The following AKT1 variants were observed in gnomAD, a reference collection of about 807,000 sequenced individuals.
AKT1 encodes RAC-alpha serine/threonine-protein kinase.
Under a neutral mutation model 63.1 loss-of-function variants are expected in AKT1, and 21 were observed. The observed-to-expected ratio is 0.33, with a 90% CI of 0.24 to 0.48. The LOEUF (loss-of-function observed/expected upper bound fraction) is 0.48, where lower values mean the gene tolerates loss of function less well. AKT1 is among the 20% of genes least tolerant of loss of function. The pLI is 0.99. For missense variants in AKT1, 382 were observed against 666.0 expected (o/e 0.57, Z 4.69); for synonymous variants, 257 against 253.1 (o/e 1.02, Z -0.15).
At chr14:104,780,266 C>G (rs1223946647) in intron 3 of AKT1, 50 bp from the exon 4 acceptor site, 1 of 1,596,782 alleles carries the variant, frequency 6.3e-7, no homozygotes, top group East Asian at 2.3e-5. Context: ...CCGTCAGACC[C>G]TCGCCAGGCA....
chr14:104,770,447 G>T, intron 14 of AKT1, 27 bp from the exon 15 acceptor site: 1 of 1,547,060 alleles, frequency 6.5e-7, no homozygotes. Context: ...CTCAGACCCC[G>T]GTGCCCCACC....
chr14:104,787,739 C>A (rs1397018387), intron 3 of AKT1, among the ~76,000 whole-genome samples: 1 of 152,234 alleles, frequency 6.6e-6, no homozygotes, highest in Non-Finnish European at 1.5e-5. Flanking sequence ...GTCCAGCCCC[C>A]CACAGGGCAT....
Position 104,776,470 on chromosome 14 carries a change from C to G in AKT1, c.287+189G>C, listed in dbSNP as rs1015726256. 1.1e-5 allele frequency: 6 copies of G among 542,324 alleles called. No homozygotes were observed. The South Asian group carries it at 1.2e-4, about 11-fold the overall frequency. The allele number at this position is 542,324 out of a possible 1,614,324, so 33.6% of individuals were successfully genotyped here. On this transcript the variant is annotated intron_variant, in intron 5 of 14. Transcript: ENST00000649815. Reference sequence around the variant, plus strand: ...TCCCTAGCCAGTTTTTATCTCCAGCCTCAGTTTCCCCACCCAAACCCCACA... The same window carrying G: ...TCCCTAGCCAGTTTTTATCTCCAGCGTCAGTTTCCCCACCCAAACCCCACA...
rs1337696601 is a variant in AKT1 at position 104,772,182 on chromosome 14, CCA to C, written c.1260+181_1260+182del. The stretch of plus-strand genomic sequence containing the variant: ...AGTTTCCTGGTGGAACCCGGCAGTG[CCA>C]GAGCCTCTGAGCACCAGGCGCTGAG... On this transcript the variant is annotated intron_variant, in intron 13 of 14. Transcript: ENST00000649815. The C allele has an allele frequency of 7.6e-6, 5 of 658,314 alleles. No individual in the cohort carries two copies. The Admixed American group carries it at 1.2e-4, about 16-fold the overall frequency. The allele number at this position is 658,314 out of a possible 1,614,324, so 40.8% of individuals were successfully genotyped here.
rs1274070708 is a variant in AKT1 at position 104,795,047 on chromosome 14, G to A, written c.-258+437C>T. 6.6e-6 allele frequency: 1 copy of A among 152,226 alleles called. No individual in the cohort carries two copies. The highest frequency in any genetic ancestry group is 6.5e-5 in the Admixed American group (1 of 15,286). 9.4% of individuals were successfully genotyped at this position (152,226 alleles called of 1,614,324 possible). On this transcript the variant is annotated intron_variant, in intron 1 of 14. Transcript: ENST00000649815. The surrounding 1 kb of genome is among the most constrained non-coding windows in gnomAD (Gnocchi z 5.1). The stretch of plus-strand genomic sequence containing the variant: ...CGTGGGAAACGAAGTCTCCTTCCGG[G>A]GCCCTCCCACAAACTTGAAGGCCGG...
At position 104,770,072 on chromosome 14, in the gene AKT1, CG is replaced by C; in HGVS notation, c.*268del. 1 of 549,422 alleles carries C rather than the reference CG, an allele frequency of 1.8e-6. No individual in the cohort carries two copies. The highest frequency in any genetic ancestry group is 2.0e-5 in the South Asian group (1 of 49,562). The allele number at this position is 549,422 out of a possible 1,614,324, so 34.0% of individuals were successfully genotyped here. A position where few individuals can be genotyped will look rare whatever the true frequency, so the allele number is the denominator to read the frequency against. Reference sequence around the variant, plus strand: ...TGCAGAAGTCCTTAACATTTCCCTACGTGAATCGGATTGTTCTGAGGGCTGA... The same window carrying C: ...TGCAGAAGTCCTTAACATTTCCCTACTGAATCGGATTGTTCTGAGGGCTGA... On this transcript the variant is annotated 3_prime_UTR_variant, in exon 15 of 15. Coordinates refer to ENST00000649815, the MANE Select transcript of AKT1 (RefSeq NM_001382430.1).
rs2140887993 is a variant in AKT1, at chr14:104,770,360, G to A, written c.1424C>T (p.Ser475Leu). The stretch of plus-strand genomic sequence containing the variant: ...GCCGCCTCAGGCCGTGCCGCTGGCC[G>A]AGTAGGAGAACTGGGGGAAGTGGGG... ...RRPHFPQFSYSASGTA is the reference protein window; with the variant it reads ...RRPHFPQFSYLASGTA The change falls in exon 15 of 15, where the codon TCG becomes TTG. Residue 475 changes from serine (S) to leucine (L), a missense_variant. Around this residue, in one of 3 missense-constraint regions of AKT1, gnomAD observed 90 missense variants for 120.5 expected, o/e 0.75. Coordinates refer to ENST00000649815, the MANE Select transcript of AKT1 (RefSeq NM_001382430.1). 1.2e-6 allele frequency: 2 copies of A among 1,612,442 alleles called. No homozygotes were observed. The highest frequency in any genetic ancestry group is 1.7e-6 in the Non-Finnish European group (2 of 1,179,874).
intron 3 of AKT1, among the ~76,000 whole-genome samples, chr14:104,780,576 C>T (rs1222592975): frequency 6.6e-6 from 1 of 152,210 alleles, no homozygotes; most frequent in Non-Finnish European, 1.5e-5. Flanking sequence ...AGCCAGTCCC[C>T]AGCAGGCACC....
chr14:104,772,021 C>T, intron 13 of AKT1: 1 of 454,356 alleles, frequency 2.2e-6, no homozygotes, highest in Non-Finnish European at 4.0e-6. Flanking sequence ...TGGTCCACCA[C>T]CAGCCAGCCT....
rs1892478123 is a variant in AKT1 at position 104,772,962 on chromosome 14, A to G, written c.1088T>C (p.Met363Thr). The change falls in exon 12 of 15, where the codon ATG becomes ACG. Residue 363 changes from methionine to threonine, a missense_variant. By Grantham distance (81) the Met-to-Thr change is moderately conservative. Coordinates refer to ENST00000649815, the MANE Select transcript of AKT1 (RefSeq NM_001382430.1). ...CGTGCGCGGGAAGCGGATCTCCTCC[A>G]TGAGGATGAGCTCAAAAAGCTTCTC... ...DHEKLFELIL[M>T]EEIRFPRTLG... 6.2e-7 allele frequency: 1 copy of G among 1,614,006 alleles called. No homozygotes were observed. Among genetic ancestry groups the G allele is most frequent in the South Asian group, 1.1e-5 (1 of 91,086 alleles).
At chr14:104,789,540 G>A (rs1279810234) in intron 3 of AKT1, among the ~76,000 whole-genome samples, 2 of 152,272 alleles carry the variant, frequency 1.3e-5, no homozygotes, top group South Asian at 4.1e-4. Context: ...TGGAGGCCGA[G>A]TTCAGCCAGA....
At chr14:104,779,857 C>T (rs977756952) in intron 4 of AKT1, among the ~76,000 whole-genome samples, 2 of 151,426 alleles carry the variant, frequency 1.3e-5, no homozygotes, top group African/African-American at 4.9e-5. Flanking sequence ...GGCCTTAGGA[C>T]TCAGCCTGGA....
chr14:104,770,532 C>G, intron 14 of AKT1, 112 bp from the exon 15 acceptor site: 1 of 1,158,856 alleles, frequency 8.6e-7, no homozygotes, highest in Non-Finnish European at 1.2e-6. Context: ...CGCTGCCATA[C>G]TGCCAGGAAA....
intron 4 of AKT1, chr14:104,777,269 GCACACCTGGGGCACAGC>G (rs1424694922): frequency 0.029 from 3,530 of 120,260 alleles, 89 homozygotes; most frequent in Admixed American, 0.097. Flanking sequence ...TGGGGCACAG[GCACACCTGGGGCACAGC>G]CACACCTGGG....
At chr14:104,781,741 G>C (rs1416019984) in intron 3 of AKT1, among the ~76,000 whole-genome samples, 2 of 152,208 alleles carry the variant, frequency 1.3e-5, no homozygotes, top group Non-Finnish European at 2.9e-5. Flanking sequence ...CCACCCAGCA[G>C]GGCCTGAGTG....
rs1371607114 is a variant in AKT1, at chr14:104,775,206, G to A, written c.437C>T (p.Thr146Ile). The A allele has an allele frequency of 1.2e-6, 2 of 1,613,682 alleles. No individual in the cohort carries two copies. Among genetic ancestry groups the A allele is most frequent in the South Asian group, 1.1e-5 (1 of 91,092 alleles). The part of the protein sequence containing the change: ...VSLAKPKHRV[T>I]MNEFEYLKLL... The stretch of plus-strand genomic sequence containing the variant: ...CTTCAGGTACTCAAACTCGTTCATG[G>A]TCTATGGGCAGGCACCAGGGTCAGC... The change falls in exon 7 of 15, where the codon ACC becomes ATC. Residue 146 changes from threonine (T) to isoleucine (I), a missense_variant and splice_region_variant. Coordinates refer to ENST00000649815, the MANE Select transcript of AKT1 (RefSeq NM_001382430.1).
intron 3 of AKT1, among the ~76,000 whole-genome samples, chr14:104,780,549 G>A (rs1892971574): frequency 6.6e-6 from 1 of 152,194 alleles, no homozygotes; most frequent in South Asian, 2.1e-4. Flanking sequence ...CCTTCCTGGA[G>A]GAGGCAGCCC....
rs1893694779 is a variant in AKT1, at chr14:104,792,771, C to G, written c.-79-49G>C. On this transcript the variant is annotated intron_variant, in intron 2 of 14. Coordinates refer to ENST00000649815, the MANE Select transcript of AKT1 (RefSeq NM_001382430.1). The stretch of plus-strand genomic sequence containing the variant: ...ATGTGAGGCCACGCCTGGCTAAGGG[C>G]AGCTCCTCGCCCTGGGTGAGCCAGA... The G allele has an allele frequency of 2.5e-6, 3 of 1,192,296 alleles. No homozygotes were observed. The Admixed American group carries it at 5.2e-5, about 21-fold the overall frequency. The allele number at this position is 1,192,296 out of a possible 1,614,324, so 73.9% of individuals were successfully genotyped here. A position where few individuals can be genotyped will look rare whatever the true frequency, so the allele number is the denominator to read the frequency against.
intron 6 of AKT1, chr14:104,775,424 G>A: frequency 9.2e-7 from 1 of 1,092,858 alleles, no homozygotes; most frequent in Admixed American, 2.8e-5. Context: ...GGGAAGGGTG[G>A]GGTAACATTG....
Sources: allele counts gnomAD v4.1 joint callset (sites outside exome capture counted in the v4.1 genomes callset), GRCh38; gene constraint gnomAD v4.1.1; regional missense constraint gnomAD v4.1.1; non-coding constraint Gnocchi (gnomAD v3.1); transcripts MANE v1.5; gene names NCBI Gene and HGNC (gene_info 2026-07-23, HGNC 2026-07-21).